PRELID2: variants seen among roughly 807,000 people sequenced by gnomAD.
The protein encoded by PRELID2 is PRELI domain containing 2, also known as PRELI domain-containing protein 2.
In PRELID2, 25 loss-of-function variants were observed where a neutral mutation model predicts 28.4. That is an observed-to-expected ratio of 0.88 (90% confidence interval 0.64 to 1.23). The LOEUF is 1.23. PRELID2 is among the 50% of genes most tolerant of loss of function. The probability of loss-of-function intolerance (pLI) is 0.00; values close to 1 mark genes in which losing one functional copy is unlikely to be tolerated. For missense variants in PRELID2, 201 were observed against 214.4 expected (o/e 0.94, Z 0.39); for synonymous variants, 76 against 71.6 (o/e 1.06, Z -0.31).
intron 1 of PRELID2, among the ~76,000 whole-genome samples, chr5:145,657,255 A>C (rs902087377): frequency 5.3e-5 from 8 of 152,174 alleles, no homozygotes; most frequent in Non-Finnish European, 1.2e-4. Flanking sequence ...TTTCCCTTAA[A>C]ATGGATCCAA....
intron 1 of PRELID2, among the ~76,000 whole-genome samples, chr5:145,621,261 A>G (rs1753769951): frequency 6.6e-6 from 1 of 152,210 alleles, no homozygotes; most frequent in South Asian, 2.1e-4. Context: ...TAAAATTATA[A>G]TAATAATAAC....
the PRELID2 span, among the ~76,000 whole-genome samples, chr5:145,246,296 C>T: frequency 2.6e-5 from 4 of 152,186 alleles, no homozygotes; most frequent in South Asian, 4.1e-4. Context: ...TTTAAAATCA[C>T]ATTCACTATT....
At chr5:145,518,489 C>T (rs545441333) in intron 1 of PRELID2, among the ~76,000 whole-genome samples, 6 of 152,282 alleles carry the variant, frequency 3.9e-5, no homozygotes, top group Non-Finnish European at 7.4e-5. Context: ...TGAACCACCA[C>T]GCCCGGCCAT....
At chr5:145,413,789 A>C in the PRELID2 span, among the ~76,000 whole-genome samples, 28 of 152,240 alleles carry the variant, frequency 1.8e-4, no homozygotes, top group South Asian at 2.7e-3. Flanking sequence ...AAATGAGATC[A>C]TGCAGTGTTT....
At chr5:145,767,063 G>T (rs1757807399) in intron 5 of PRELID2, among the ~76,000 whole-genome samples, 1 of 152,110 alleles carries the variant, frequency 6.6e-6, no homozygotes, top group Non-Finnish European at 1.5e-5. Context: ...GTGGCCCAAA[G>T]TCAGAATATA....
the PRELID2 span, among the ~76,000 whole-genome samples, chr5:145,368,854 T>G: frequency 6.6e-6 from 1 of 151,870 alleles, no homozygotes; most frequent in Non-Finnish European, 1.5e-5. Context: ...TGTGCAGGTT[T>G]GTTTTACAGA....
At chr5:145,549,661 G>A (rs907623961) in intron 1 of PRELID2, among the ~76,000 whole-genome samples, 1 of 152,096 alleles carries the variant, frequency 6.6e-6, no homozygotes, top group African/African-American at 2.4e-5. Context: ...CGGGCATGGT[G>A]GCGGCTGCCT....
chr5:145,490,447 T>C (rs1752258925), intron 1 of PRELID2, among the ~76,000 whole-genome samples: 1 of 152,156 alleles, frequency 6.6e-6, no homozygotes, highest in Admixed American at 6.6e-5. Flanking sequence ...GAAACTAATA[T>C]ATGTTGTAGA....
intron 1 of PRELID2, among the ~76,000 whole-genome samples, chr5:145,507,282 T>C (rs1039583774): frequency 7.9e-5 from 12 of 152,070 alleles, no homozygotes. Flanking sequence ...AAATAAAGGA[T>C]TTGGAATCAA....
intron 1 of PRELID2, among the ~76,000 whole-genome samples, chr5:145,532,960 T>C (rs958067525): frequency 4.6e-5 from 7 of 152,096 alleles, no homozygotes; most frequent in Non-Finnish European, 1.0e-4. Flanking sequence ...CTGATTTCAT[T>C]TCTTCTGAAT....
At chr5:145,565,584 A>C (rs572981672) in intron 1 of PRELID2, among the ~76,000 whole-genome samples, 98 of 152,292 alleles carry the variant, frequency 6.4e-4, no homozygotes, top group Middle Eastern at 3.4e-3. Context: ...AGACATGTCA[A>C]CTCTACAGCT....
intron 2 of PRELID2, 35 bp from the exon 3 acceptor site, chr5:145,820,053 A>G (rs770303393): frequency 7.3e-6 from 9 of 1,241,302 alleles, no homozygotes; most frequent in Admixed American, 2.0e-5. Context: ...AAAAAAAATT[A>G]AAGAAATGTG....
intron 1 of PRELID2, among the ~76,000 whole-genome samples, chr5:145,734,668 T>G (rs998493076): frequency 4.6e-5 from 7 of 152,212 alleles, no homozygotes; most frequent in African/African-American, 1.7e-4. Context: ...GACCATTTAT[T>G]TTCATGGCTA....
At chr5:145,409,584 G>T in the PRELID2 span, among the ~76,000 whole-genome samples, 6 of 151,932 alleles carry the variant, frequency 3.9e-5, no homozygotes, top group Non-Finnish European at 8.8e-5. Flanking sequence ...TCTTATATCA[G>T]ACTAAAGAGA....
intron 1 of PRELID2, among the ~76,000 whole-genome samples, chr5:145,516,789 T>A (rs763319777): frequency 6.6e-6 from 1 of 151,888 alleles, no homozygotes; most frequent in South Asian, 2.1e-4. Flanking sequence ...CCAAAACAGA[T>A]ATATAGACCA....
chr5:145,498,829 C>T (rs1012533359), intron 1 of PRELID2, among the ~76,000 whole-genome samples: 11 of 151,914 alleles, frequency 7.2e-5, no homozygotes, highest in South Asian at 2.1e-4. Flanking sequence ...CTCCCTGCCT[C>T]GGCCTCCCAA....
intron 1 of PRELID2, among the ~76,000 whole-genome samples, chr5:145,827,337 A>G (rs1342913665): frequency 2.6e-5 from 4 of 152,250 alleles, no homozygotes; most frequent in Non-Finnish European, 4.4e-5. Flanking sequence ...GAAACGAGTT[A>G]TAAATTAATC....
intron 1 of PRELID2, among the ~76,000 whole-genome samples, chr5:145,655,238 T>G (rs542374004): frequency 0.016 from 2,489 of 151,144 alleles, 35 homozygotes; most frequent in Non-Finnish European, 0.027. Flanking sequence ...CACTGCTCAA[T>G]GAAATAAAAG....
At chr5:145,684,446 C>T (rs1432157007) in intron 1 of PRELID2, among the ~76,000 whole-genome samples, 1 of 149,316 alleles carries the variant, frequency 6.7e-6, no homozygotes. Context: ...GGAAAAAAAC[C>T]CCACTAAAAC....
Sources: allele counts gnomAD v4.1 joint callset (sites outside exome capture counted in the v4.1 genomes callset), GRCh38; gene constraint gnomAD v4.1.1; transcripts MANE v1.5; gene names NCBI Gene and HGNC (gene_info 2026-07-23, HGNC 2026-07-21).